The following AFF3 variants were observed in gnomAD, a reference collection of about 807,000 sequenced individuals.
AFF3 encodes AF4/FMR2 family member 3.
A neutral mutation model predicts 129.7 loss-of-function variants in AFF3; 32 were observed. That is an observed-to-expected ratio of 0.25 (90% CI 0.19 to 0.33). The LOEUF (loss-of-function observed/expected upper bound fraction) is 0.33, where lower values mean the gene tolerates loss of function less well. AFF3 is among the 10% of genes least tolerant of loss of function. AFF3 has a pLI of 1.00. For missense variants in AFF3, 1,373 were observed against 1,592.0 expected, an observed-to-expected ratio of 0.86 and a Z score of 2.34; for synonymous variants, 644 against 635.4, an observed-to-expected ratio of 1.01 and a Z score of -0.20.
chr2:99,715,809 CT>C (rs1336872935), intron 11 of AFF3, among the ~76,000 whole-genome samples: 3 of 151,796 alleles, frequency 2.0e-5, no homozygotes, highest in Non-Finnish European at 2.9e-5. Context: ...GTAGCTGGGA[CT>C]ACAGGTACAT....
chr2:100,140,025 C>A (rs1402888615), intron 1 of AFF3, among the ~76,000 whole-genome samples: 4 of 152,126 alleles, frequency 2.6e-5, no homozygotes, highest in African/African-American at 4.8e-5. Flanking sequence ...CATTAAGAAC[C>A]AACATTATTT....
At chr2:99,948,294 G>C (rs1462202176) in intron 7 of AFF3, among the ~76,000 whole-genome samples, 4 of 152,090 alleles carry the variant, frequency 2.6e-5, no homozygotes, top group Non-Finnish European at 5.9e-5. Context: ...GCAGTGCTCA[G>C]TTCCTGCAAA....
At chr2:99,730,785 T>C (rs950007872) in intron 10 of AFF3, among the ~76,000 whole-genome samples, 7 of 152,114 alleles carry the variant, frequency 4.6e-5, no homozygotes, top group African/African-American at 1.7e-4. Context: ...AGTGCTGAGA[T>C]TACAGGTGTG....
intron 7 of AFF3, among the ~76,000 whole-genome samples, chr2:99,861,250 C>A (rs888840069): frequency 2.0e-5 from 3 of 152,236 alleles, no homozygotes; most frequent in African/African-American, 7.2e-5. Context: ...CAGCTTCCAA[C>A]ATTGCCAATT....
intron 11 of AFF3, among the ~76,000 whole-genome samples, chr2:99,721,822 A>G (rs559710558): frequency 6.6e-6 from 1 of 152,264 alleles, no homozygotes; most frequent in East Asian, 1.9e-4. Context: ...TTTTCATCCA[A>G]TTTGGGAAGT....
At chr2:100,090,605 A>G (rs2105406989) in intron 4 of AFF3, among the ~76,000 whole-genome samples, 1 of 152,260 alleles carries the variant, frequency 6.6e-6, no homozygotes, top group East Asian at 1.9e-4. Context: ...TTCAAAATAA[A>G]TCTCAAGATG....
intron 8 of AFF3, among the ~76,000 whole-genome samples, chr2:99,754,152 T>C (rs4851230): frequency 0.74 from 112,368 of 152,202 alleles, 42,363 homozygotes; most frequent in East Asian, 0.92. Context: ...TCTGATTTTA[T>C]CCTTCCATTT....
At position 99,956,801 on chromosome 2, in the gene AFF3, A is replaced by C. The variant is rs1576427067; in HGVS notation, c.873+49831T>G. Among the ~76,000 whole-genome samples the C allele has an allele frequency of 2.6e-5, 4 of 152,310 alleles. No homozygotes were observed. The East Asian group carries it at 7.7e-4, about 29-fold the overall frequency. The stretch of plus-strand genomic sequence containing the variant: ...GTAATTCTGGCAAGGAGTTTCTGAG[A>C]GAGGAACAGAAAATGGAATAAGGAA... On this transcript the variant is annotated intron_variant, in intron 7 of 24. Transcript: ENST00000672756.
chr2:99,910,759 A>T (rs1481144139), intron 7 of AFF3, among the ~76,000 whole-genome samples: 1 of 152,252 alleles, frequency 6.6e-6, no homozygotes, highest in Admixed American at 6.5e-5. Flanking sequence ...AATTGCATGA[A>T]TTTTAACAAG....
chr2:99,550,971 T>C lies in AFF3; in HGVS notation c.*503A>G, dbSNP rs1223328488. 2.8e-6 allele frequency: 1 copy of C among 356,150 alleles called. No homozygotes were observed. The highest frequency in any genetic ancestry group is 4.5e-5 in the Admixed American group (1 of 22,018). The allele number at this position is 356,150 out of a possible 1,614,324, so 22.1% of individuals were successfully genotyped here. On this transcript the variant is annotated 3_prime_UTR_variant, in exon 25 of 25. Transcript: ENST00000672756. ...AAAAAATAATTGGGGAATAGTATATTAATACTGAAAGTAATCAACAGTATA... is the reference window on the plus strand; with the variant it reads ...AAAAAATAATTGGGGAATAGTATATCAATACTGAAAGTAATCAACAGTATA...
At chr2:100,001,054 G>A (rs1322370467) in intron 7 of AFF3, among the ~76,000 whole-genome samples, 1 of 152,224 alleles carries the variant, frequency 6.6e-6, no homozygotes, top group African/African-American at 2.4e-5. Context: ...CAGGTGCGGA[G>A]CTCAGGCCCT....
intron 7 of AFF3, among the ~76,000 whole-genome samples, chr2:99,994,567 T>A (rs1680660841): frequency 6.6e-6 from 1 of 152,090 alleles, no homozygotes; most frequent in South Asian, 2.1e-4. Flanking sequence ...AATGCAAATA[T>A]CCCAATGACC....
At chr2:99,640,164 T>C (rs537689572) in intron 13 of AFF3, among the ~76,000 whole-genome samples, 1 of 152,282 alleles carries the variant, frequency 6.6e-6, no homozygotes, top group African/African-American at 2.4e-5. Flanking sequence ...ATAGAAGGGA[T>C]ATTTCTTAGG....
chr2:99,762,317 G>A (rs1682684031), intron 8 of AFF3, among the ~76,000 whole-genome samples: 1 of 151,946 alleles, frequency 6.6e-6, no homozygotes. Context: ...TAGAGACGGG[G>A]TTTCACCATG....
chr2:99,717,599 T>C (rs1337302699), intron 11 of AFF3, among the ~76,000 whole-genome samples: 2 of 152,242 alleles, frequency 1.3e-5, no homozygotes, highest in Non-Finnish European at 2.9e-5. Context: ...TCAGAATATC[T>C]TATATATTCT....
chr2:99,926,162 C>T (rs1422796698), intron 7 of AFF3, among the ~76,000 whole-genome samples: 26 of 152,176 alleles, frequency 1.7e-4, no homozygotes. Context: ...GTAGCATAAA[C>T]CAATGAGTAC....
intron 12 of AFF3, among the ~76,000 whole-genome samples, chr2:99,662,375 G>C (rs754660167): frequency 2.0e-5 from 3 of 152,036 alleles, no homozygotes; most frequent in Non-Finnish European, 4.4e-5. Context: ...TTTAGCTCAG[G>C]TACAACATAA....
chr2:99,653,867 A>G (rs1575606797), intron 12 of AFF3, among the ~76,000 whole-genome samples: 1 of 138,798 alleles, frequency 7.2e-6, no homozygotes, highest in Admixed American at 7.5e-5. Flanking sequence ...AATTGCCTGC[A>G]CTGCTTTTTT....
At chr2:99,624,007 C>G (rs534948958) in intron 13 of AFF3, among the ~76,000 whole-genome samples, 1 of 152,316 alleles carries the variant, frequency 6.6e-6, no homozygotes, top group Non-Finnish European at 1.5e-5. Flanking sequence ...GAGCATTAAA[C>G]TAAGTAAGAG....
Sources: gnomAD v4.1 joint callset for allele counts (sites outside exome capture counted in the v4.1 genomes callset) on GRCh38, gnomAD v4.1.1 for gene constraint, MANE v1.5 for transcripts, NCBI Gene and HGNC (gene_info 2026-07-23, HGNC 2026-07-21) for gene names.